Variants in SGPP1 observed in about 807,000 individuals in gnomAD.
SGPP1 encodes the protein hSPP1.
SGPP1 carries 21 observed loss-of-function variants against 33.0 expected under a neutral mutation model. The observed-to-expected ratio is 0.64, with a 90% confidence interval of 0.45 to 0.92. SGPP1 has a LOEUF of 0.92. Among genes scored for constraint, SGPP1 ranks in the 40% least tolerant of loss-of-function variants. The probability of loss-of-function intolerance (pLI) is 0.00; values close to 1 mark genes in which losing one functional copy is unlikely to be tolerated. For missense variants in SGPP1, 543 were observed against 589.4 expected (o/e 0.92, Z 0.81); for synonymous variants, 239 against 241.2 (o/e 0.99, Z 0.08).
chr14:63,725,008 A>G (rs1885850323), intron 1 of SGPP1, among the ~76,000 whole-genome samples: 1 of 152,026 alleles, frequency 6.6e-6, no homozygotes, highest in African/African-American at 2.4e-5. Context: ...AAAAGGAAAA[A>G]GGTTAAAAAG....
At chr14:63,723,850 C>A (rs1297481979) in intron 1 of SGPP1, among the ~76,000 whole-genome samples, 3 of 152,054 alleles carry the variant, frequency 2.0e-5, no homozygotes, top group Admixed American at 6.6e-5. Context: ...ATGTAGAAAT[C>A]TGCATTTTTA....
At chr14:63,690,907 G>A (rs967738044) in intron 2 of SGPP1, among the ~76,000 whole-genome samples, 4 of 151,958 alleles carry the variant, frequency 2.6e-5, no homozygotes, top group African/African-American at 9.7e-5. Flanking sequence ...TACAGACAGG[G>A]TTTCACCATG....
At chr14:63,695,386 C>T (rs1885168797) in intron 2 of SGPP1, among the ~76,000 whole-genome samples, 1 of 152,018 alleles carries the variant, frequency 6.6e-6, no homozygotes, top group Non-Finnish European at 1.5e-5. Context: ...TAATATATTT[C>T]AGGTGCCCTG....
intron 1 of SGPP1, among the ~76,000 whole-genome samples, chr14:63,708,192 A>ATTCCTACC (rs769796192): frequency 2.1e-5 from 3 of 144,366 alleles, no homozygotes; most frequent in Non-Finnish European, 3.0e-5. Flanking sequence ...CTTCTTTTCT[A>ATTCCTACC]TTCCTACCTA....
chr14:63,722,655 CTATAAAGTAAGTGCTA>C (rs1249210495), intron 1 of SGPP1, among the ~76,000 whole-genome samples: 1 of 151,824 alleles, frequency 6.6e-6, no homozygotes, highest in Non-Finnish European at 1.5e-5. Context: ...AATGAGTTGT[CTATAAAGTAAGTGCTA>C]CAGCTAATTT....
intron 1 of SGPP1, among the ~76,000 whole-genome samples, chr14:63,704,999 T>A (rs904641687): frequency 6.6e-6 from 1 of 151,686 alleles, no homozygotes; most frequent in African/African-American, 2.4e-5. Context: ...TGGTGATGTG[T>A]GCCTGTAGTC....
chr14:63,715,154 C>G (rs1035081291), intron 1 of SGPP1, among the ~76,000 whole-genome samples: 1 of 151,440 alleles, frequency 6.6e-6, no homozygotes, highest in East Asian at 2.0e-4. Flanking sequence ...GTTGGGATTA[C>G]AGGCGCCTGC....
chr14:63,723,079 CA>C (rs1885808684), intron 1 of SGPP1, among the ~76,000 whole-genome samples: 2 of 151,096 alleles, frequency 1.3e-5, no homozygotes, highest in Non-Finnish European at 2.9e-5. Context: ...TCAAGTCAAA[CA>C]GAGCTTTAAA....
At chr14:63,723,256 T>C in intron 1 of SGPP1, among the ~76,000 whole-genome samples, 1 of 152,286 alleles carries the variant, frequency 6.6e-6, no homozygotes, top group East Asian at 1.9e-4. Flanking sequence ...CAATGAATAA[T>C]ATGAGAGCAA....
chr14:63,714,903 A>G (rs773241397), intron 1 of SGPP1, among the ~76,000 whole-genome samples: 3 of 149,154 alleles, frequency 2.0e-5, no homozygotes, highest in Admixed American at 6.7e-5. Context: ...AACTTTCTAT[A>G]TTTTTTATAG....
chr14:63,694,719 A>G (rs1885154822), intron 2 of SGPP1, among the ~76,000 whole-genome samples: 2 of 152,230 alleles, frequency 1.3e-5, no homozygotes, highest in South Asian at 4.1e-4. Context: ...TAGAGCACAA[A>G]GTATGCAATA....
intron 2 of SGPP1, 81 bp downstream of exon 2, chr14:63,698,488 G>A: frequency 1.4e-6 from 1 of 738,494 alleles, no homozygotes; most frequent in Non-Finnish European, 2.1e-6. Context: ...CTTCAGGTAA[G>A]TTTGCAAATG....
At chr14:63,712,334 A>C (rs1885540213) in intron 1 of SGPP1, among the ~76,000 whole-genome samples, 1 of 151,162 alleles carries the variant, frequency 6.6e-6, no homozygotes, top group Non-Finnish European at 1.5e-5. Flanking sequence ...TCTGTACTAC[A>C]TTCATTTTAT....
In SGPP1 at chr14:63,686,523, C is replaced by A. The variant is rs774146403; in HGVS notation, c.908G>T (p.Gly303Val). 1 of 1,613,738 alleles carries A rather than the reference C, an allele frequency of 6.2e-7. No individual in the cohort carries two copies. Residue 303 changes from glycine (G) to valine (V), a missense_variant, in exon 3 of 3, where the codon GGG (glycine) becomes GTG (valine). Transcript: ENST00000247225. ...GGTGTCAAGAGTGAAAGAAAAGATCCCCAAAGCTAAATGAAGCCCGATGAT... is the reference window on the plus strand; with the variant it reads ...GGTGTCAAGAGTGAAAGAAAAGATCACCAAAGCTAAATGAAGCCCGATGAT... ...FIIIGLHLAL[G>V]IFSFTLDTWS...
chr14:63,726,834 CTT>C (rs1491292789), intron 1 of SGPP1, among the ~76,000 whole-genome samples: 1 of 152,170 alleles, frequency 6.6e-6, no homozygotes, highest in Non-Finnish European at 1.5e-5. Flanking sequence ...AAGCTAATGA[CTT>C]TACCTCTTTC....
intron 2 of SGPP1, among the ~76,000 whole-genome samples, chr14:63,689,394 C>T (rs772828019): frequency 7.9e-5 from 12 of 152,130 alleles, no homozygotes; most frequent in Non-Finnish European, 1.8e-4. Flanking sequence ...TCAAGTGATC[C>T]ACCTACCTTG....
intron 1 of SGPP1, among the ~76,000 whole-genome samples, chr14:63,702,163 T>C (rs1427101600): frequency 6.6e-6 from 1 of 152,124 alleles, no homozygotes; most frequent in Non-Finnish European, 1.5e-5. Flanking sequence ...AAACCAAGTA[T>C]GACTTAACCC....
rs1268625365 is a variant in SGPP1 at position 63,713,792 on chromosome 14, G to A, written c.684+13469C>T. On this transcript the variant is annotated intron_variant, in intron 1 of 2. Coordinates refer to ENST00000247225, the MANE Select transcript of SGPP1 (RefSeq NM_030791.4). ...GAAGTTGACAAGGTTTGAATTTGTG[G>A]ACTTAATTTTAGGTGTCAGCTTGAC... Among the ~76,000 whole-genome samples, 3 of 152,272 alleles carry A rather than the reference G, an allele frequency of 2.0e-5. No individual in the cohort carries two copies. In the East Asian group the frequency reaches 5.8e-4, roughly 29 times the overall value.
At chr14:63,714,791 G>A (rs921735873) in intron 1 of SGPP1, among the ~76,000 whole-genome samples, 2 of 151,086 alleles carry the variant, frequency 1.3e-5, no homozygotes, top group Admixed American at 1.3e-4. Flanking sequence ...CCAAGCTGGA[G>A]TATAGTGATG....
Sources: allele counts gnomAD v4.1 joint callset (sites outside exome capture counted in the v4.1 genomes callset), GRCh38; gene constraint gnomAD v4.1.1; transcripts MANE v1.5; gene names NCBI Gene and HGNC (gene_info 2026-07-23, HGNC 2026-07-21).